Variants in CNTNAP2 observed in about 807,000 individuals in gnomAD.
CNTNAP2 encodes the protein contactin-associated protein-like 2.
In CNTNAP2, 98 loss-of-function variants were observed where a neutral mutation model predicts 155.2. That is an observed-to-expected ratio of 0.63 (90% CI 0.54 to 0.75). The LOEUF (loss-of-function observed/expected upper bound fraction) is 0.75. Ranked by LOEUF, CNTNAP2 falls within the 30% of genes least tolerant of loss-of-function variation. The pLI is 0.00. For synonymous variants in CNTNAP2, 651 were observed against 631.2 expected, an observed-to-expected ratio of 1.03 and a Z score of -0.47; for missense variants, 1,727 against 1,688.1, an observed-to-expected ratio of 1.02 and a Z score of -0.40.
At chr7:146,207,035 T>C (rs73739548) in intron 1 of CNTNAP2, among the ~76,000 whole-genome samples, 5,039 of 152,002 alleles carry the variant, frequency 0.033, 277 homozygotes, top group African/African-American at 0.12. Context: ...AAAAACAACA[T>C]TGGCCTCAAA....
chr7:148,232,361 C>T (rs1795979858), intron 20 of CNTNAP2, among the ~76,000 whole-genome samples: 1 of 152,194 alleles, frequency 6.6e-6, no homozygotes, highest in Non-Finnish European at 1.5e-5. Flanking sequence ...TTAAAACAAT[C>T]TAAAAATCCA....
intron 13 of CNTNAP2, among the ~76,000 whole-genome samples, chr7:147,764,609 A>T (rs76413600): frequency 0.08 from 12,128 of 151,926 alleles, 540 homozygotes; most frequent in African/African-American, 0.12. Context: ...TGAATGTAGG[A>T]AAAAAAATGG....
chr7:147,269,813 G>A lies in CNTNAP2; in HGVS notation c.1349-30328G>A, dbSNP rs188694674. On this transcript the variant is annotated intron_variant, in intron 8 of 23. Coordinates refer to ENST00000361727, the MANE Select transcript of CNTNAP2 (RefSeq NM_014141.6). ...TCATACCTGTAATCCTAGCTACTTG[G>A]AGGCTGAGGCAGGAGGATTCCAGGA... Among the ~76,000 whole-genome samples, 353 of 152,304 alleles carry A rather than the reference G, an allele frequency of 2.3e-3. 1 individual carries two copies. Among genetic ancestry groups the A allele is most frequent in the Non-Finnish European group, 3.4e-3 (233 of 68,026 alleles).
Position 148,415,981 on chromosome 7 carries a change from G to C in CNTNAP2, c.*365G>C. 3.7e-6 allele frequency: 1 copy of C among 267,822 alleles called. No homozygotes were observed. The highest frequency in any genetic ancestry group is 7.5e-5 in the South Asian group (1 of 13,362). The allele number at this position is 267,822 out of a possible 1,614,324, so 16.6% of individuals were successfully genotyped here. A position where few individuals can be genotyped will look rare whatever the true frequency, so the allele number is the denominator to read the frequency against. On this transcript the variant is annotated 3_prime_UTR_variant, in exon 24 of 24. Coordinates refer to ENST00000361727, the MANE Select transcript of CNTNAP2 (RefSeq NM_014141.6). ...TTTTCTACGTTTTTAAGAGCCCTTA[G>C]AACGTGGGTATTTTTTTTCTTGAGA...
At chr7:147,252,731 A>G (rs193196377) in intron 8 of CNTNAP2, among the ~76,000 whole-genome samples, 77 of 152,320 alleles carry the variant, frequency 5.1e-4, no homozygotes, top group African/African-American at 1.8e-3. Flanking sequence ...ATTCTGTCAC[A>G]TATCTATCAA....
At chr7:146,442,710 C>T (rs1048575805) in intron 1 of CNTNAP2, among the ~76,000 whole-genome samples, 2 of 152,078 alleles carry the variant, frequency 1.3e-5, no homozygotes, top group East Asian at 1.9e-4. Flanking sequence ...TTTGTGGTAT[C>T]GTACTAGCCC....
chr7:146,637,324 AAAGG>A (rs1203201467), intron 1 of CNTNAP2, among the ~76,000 whole-genome samples: 1 of 152,228 alleles, frequency 6.6e-6, no homozygotes, highest in African/African-American at 2.4e-5. Context: ...TTAATTAAAC[AAAGG>A]AAGTCTTAAG....
intron 1 of CNTNAP2, among the ~76,000 whole-genome samples, chr7:146,529,396 A>G (rs1797736109): frequency 6.6e-6 from 1 of 152,194 alleles, no homozygotes; most frequent in African/African-American, 2.4e-5. Context: ...GGTTCCTAAC[A>G]TGAGGTCAAT....
intron 13 of CNTNAP2, among the ~76,000 whole-genome samples, chr7:147,705,022 T>G (rs1446371157): frequency 6.6e-6 from 1 of 152,118 alleles, no homozygotes; most frequent in Non-Finnish European, 1.5e-5. Context: ...ACTTTTCATT[T>G]TGTTGATCCT....
chr7:147,109,492 G>A (rs1292303960), intron 5 of CNTNAP2, among the ~76,000 whole-genome samples: 1 of 152,134 alleles, frequency 6.6e-6, no homozygotes, highest in Non-Finnish European at 1.5e-5. Flanking sequence ...GATTATGGAA[G>A]TTGATATATG....
rs571133996 is a variant in CNTNAP2, at chr7:148,296,760, A to G, written c.3475+29634A>G. Among the ~76,000 whole-genome samples, 17 of 152,284 alleles carry G rather than the reference A, an allele frequency of 1.1e-4. No homozygotes were observed. In the South Asian group the frequency reaches 3.3e-3, roughly 30 times the overall value. On this transcript the variant is annotated intron_variant, in intron 21 of 23. Transcript: ENST00000361727. Reference sequence around the variant, plus strand: ...TCAGGACTTGGCCAAAGCCCATTCCAGGGTCAGACAATCCCTTCTGATTTC... The same window carrying G: ...TCAGGACTTGGCCAAAGCCCATTCCGGGGTCAGACAATCCCTTCTGATTTC...
At chr7:146,638,593 T>G (rs1675897668) in intron 1 of CNTNAP2, among the ~76,000 whole-genome samples, 3 of 148,960 alleles carry the variant, frequency 2.0e-5, no homozygotes, top group Middle Eastern at 3.5e-3. Flanking sequence ...CACGCCATTC[T>G]CCTGCCTCAG....
intron 20 of CNTNAP2, among the ~76,000 whole-genome samples, chr7:148,251,734 C>T (rs1273518745): frequency 6.6e-6 from 1 of 152,206 alleles, no homozygotes; most frequent in Non-Finnish European, 1.5e-5. Flanking sequence ...CCAGCAGGTT[C>T]CCTATTCCTG....
chr7:146,391,487 GA>G (rs2129106676), intron 1 of CNTNAP2, among the ~76,000 whole-genome samples: 1 of 152,174 alleles, frequency 6.6e-6, no homozygotes, highest in Admixed American at 6.5e-5. Context: ...GCCAGAGGGA[GA>G]AATAATTTAT....
intron 9 of CNTNAP2, among the ~76,000 whole-genome samples, chr7:147,347,412 T>C (rs1260994524): frequency 9.7e-6 from 1 of 103,228 alleles, no homozygotes. Context: ...TCCTCTTATG[T>C]GAAAAGATTA....
intron 4 of CNTNAP2, among the ~76,000 whole-genome samples, chr7:147,069,247 C>A (rs1289197951): frequency 1.3e-5 from 2 of 152,154 alleles, no homozygotes; most frequent in Admixed American, 6.6e-5. Flanking sequence ...AGGGGGAGAG[C>A]ATAAATATGC....
At chr7:146,576,111 A>G (rs536893286) in intron 1 of CNTNAP2, among the ~76,000 whole-genome samples, 1 of 152,288 alleles carries the variant, frequency 6.6e-6, no homozygotes, top group Non-Finnish European at 1.5e-5. Flanking sequence ...GTCACTGAAT[A>G]TATGGCCTTG....
chr7:147,171,712 G>A (rs754738941), intron 8 of CNTNAP2, among the ~76,000 whole-genome samples: 1 of 152,104 alleles, frequency 6.6e-6, no homozygotes, highest in African/African-American at 2.4e-5. Flanking sequence ...TATATGTCAT[G>A]TAAATTACCT....
chr7:146,956,073 A>G (rs1002087212), intron 3 of CNTNAP2, among the ~76,000 whole-genome samples: 1 of 139,946 alleles, frequency 7.1e-6, no homozygotes, highest in African/African-American at 2.6e-5. Context: ...AAAATGAAAG[A>G]GATGAAGGAG....
Sources: gnomAD v4.1 joint callset for allele counts (sites outside exome capture counted in the v4.1 genomes callset) on GRCh38, gnomAD v4.1.1 for gene constraint, MANE v1.5 for transcripts, NCBI Gene and HGNC (gene_info 2026-07-23, HGNC 2026-07-21) for gene names.